Variants in GRIK1 observed in about 807,000 individuals in gnomAD.
GRIK1 encodes the protein glutamate receptor ionotropic, kainate 1.
Under a neutral mutation model 105.7 loss-of-function variants are expected in GRIK1, and 69 were observed. The ratio of observed to expected loss-of-function variants is 0.65; its 90% CI spans 0.54 to 0.80. GRIK1 has a LOEUF of 0.80. Among genes scored for constraint, GRIK1 ranks in the 30% least tolerant of loss-of-function variants. The probability of loss-of-function intolerance (pLI) is 0.00; values close to 1 mark genes in which losing one functional copy is unlikely to be tolerated. For missense variants in GRIK1, 1,109 were observed against 1,167.3 expected, an observed-to-expected ratio of 0.95 and a Z score of 0.73; for synonymous variants, 438 against 431.3, an observed-to-expected ratio of 1.02 and a Z score of -0.19.
chr21:29,709,625 C>T (rs1215868802), intron 1 of GRIK1, among the ~76,000 whole-genome samples: 33 of 151,940 alleles, frequency 2.2e-4, no homozygotes, highest in Non-Finnish European at 5.9e-5. Context: ...TATCTAAGAA[C>T]ATGGGCACAT....
intron 1 of GRIK1, among the ~76,000 whole-genome samples, chr21:29,720,881 G>C (rs1293518804): frequency 6.6e-6 from 1 of 152,074 alleles, no homozygotes; most frequent in Non-Finnish European, 1.5e-5. Flanking sequence ...AGCCTCCTTT[G>C]ATAGATACTC....
rs1983276477 is a variant in GRIK1, at chr21:29,636,008, T to C, written c.1098+6818A>G. On this transcript the variant is annotated intron_variant, in intron 7 of 17. Coordinates refer to ENST00000327783, the MANE Select transcript of GRIK1 (RefSeq NM_001330994.2). ...TCTCCCAGGCCTACCAGGGACACCA[T>C]CTTAAACTGTCTGCTAAGCCCAGAA... is the stretch of plus-strand genomic sequence containing the variant. 1.3e-5 allele frequency among the ~76,000 whole-genome samples: 2 copies of C among 152,114 alleles called. 1 individual carries two copies. The highest frequency in any genetic ancestry group is 4.1e-4 in the South Asian group (2 of 4,830).
chr21:29,746,042 T>C (rs888665606), intron 1 of GRIK1, among the ~76,000 whole-genome samples: 1 of 152,050 alleles, frequency 6.6e-6, no homozygotes, highest in Non-Finnish European at 1.5e-5. Context: ...AGGCAGAGCT[T>C]GCAGTGAGCC....
rs150783822 is a variant in GRIK1, at chr21:29,757,039, C to T, written c.119-62976G>A. On this transcript the variant is annotated intron_variant, in intron 1 of 17. Coordinates refer to ENST00000327783, the MANE Select transcript of GRIK1 (RefSeq NM_001330994.2). Reference sequence around the variant, plus strand: ...GGCTGAGGCAGGAGACTTGCTTGAACCTGGGAGGCAGAGGTTGCAGTGAGC... The same window carrying T: ...GGCTGAGGCAGGAGACTTGCTTGAATCTGGGAGGCAGAGGTTGCAGTGAGC... 9.2e-3 allele frequency among the ~76,000 whole-genome samples: 1,397 copies of T among 152,174 alleles called. 20 individuals carry two copies. Among genetic ancestry groups the T allele is most frequent in the African/African-American group, 0.032 (1,335 of 41,506 alleles).
chr21:29,704,521 T>C (rs973871805), intron 1 of GRIK1, among the ~76,000 whole-genome samples: 5 of 152,320 alleles, frequency 3.3e-5, no homozygotes, highest in African/African-American at 1.2e-4. Context: ...GCCTTCTCCT[T>C]CAGAGCTAAA....
rs1483513147 is a variant in GRIK1, at chr21:29,620,794, T to G, written c.1099-21857A>C. On this transcript the variant is annotated intron_variant, in intron 7 of 17. Coordinates refer to ENST00000327783, the MANE Select transcript of GRIK1 (RefSeq NM_001330994.2). ...TCATATATATATAGATATATATATC[T>G]ATATATATATAGATATATATATATA... Among the ~76,000 whole-genome samples, 88 of 106,312 alleles carry G rather than the reference T, an allele frequency of 8.3e-4. 1 individual carries two copies. The highest frequency in any genetic ancestry group is 4.4e-3 in the African/African-American group (77 of 17,696). 69.7% of individuals were successfully genotyped at this position (106,312 alleles called of 152,430 possible).
chr21:29,549,912 G>A (rs1161781026), intron 16 of GRIK1, among the ~76,000 whole-genome samples: 1 of 151,834 alleles, frequency 6.6e-6, no homozygotes, highest in Non-Finnish European at 1.5e-5. Flanking sequence ...TTTGAGACCA[G>A]CTTGGCCAAC....
At chr21:29,931,646 G>A (rs1445169499) in intron 1 of GRIK1, among the ~76,000 whole-genome samples, 2 of 152,054 alleles carry the variant, frequency 1.3e-5, no homozygotes, top group Non-Finnish European at 2.9e-5. Context: ...ATCATCTTAT[G>A]TATCTCCCTT....
intron 3 of GRIK1, among the ~76,000 whole-genome samples, chr21:29,676,586 G>A (rs1455720752): frequency 6.6e-6 from 1 of 152,122 alleles, no homozygotes; most frequent in East Asian, 1.9e-4. Flanking sequence ...CTCTCGTGTG[G>A]ATGCCAGCCC....
intron 4 of GRIK1, among the ~76,000 whole-genome samples, chr21:29,669,411 A>G (rs538218354): frequency 6.6e-6 from 1 of 152,342 alleles, no homozygotes; most frequent in East Asian, 1.9e-4. Context: ...TTCAGCTACC[A>G]GAAAAGTAAA....
chr21:29,865,676 A>G (rs1452338002), intron 1 of GRIK1, among the ~76,000 whole-genome samples: 1 of 152,266 alleles, frequency 6.6e-6, no homozygotes, highest in Non-Finnish European at 1.5e-5. Context: ...TTCATTAACA[A>G]TAGAAGTTTT....
intron 1 of GRIK1, among the ~76,000 whole-genome samples, chr21:29,728,906 G>A (rs1036122126): frequency 6.6e-6 from 1 of 152,216 alleles, no homozygotes; most frequent in East Asian, 1.9e-4. Flanking sequence ...AAGTAGCATG[G>A]ACAGGGAAGA....
chr21:29,839,135 C>T (rs960342022), intron 1 of GRIK1, among the ~76,000 whole-genome samples: 16 of 152,076 alleles, frequency 1.1e-4, no homozygotes, highest in African/African-American at 3.6e-4. Context: ...CCACAACCTC[C>T]GCCTCCCAGG....
chr21:29,542,689 T>C (rs995294861), intron 16 of GRIK1, among the ~76,000 whole-genome samples: 3 of 152,224 alleles, frequency 2.0e-5, no homozygotes, highest in African/African-American at 7.2e-5. Flanking sequence ...CATTCACATC[T>C]TTCATTCATT....
chr21:29,632,018 G>C (rs1200760543), intron 7 of GRIK1, among the ~76,000 whole-genome samples: 1 of 151,974 alleles, frequency 6.6e-6, no homozygotes, highest in Non-Finnish European at 1.5e-5. Context: ...TATCCATGCA[G>C]AAGGGATTGG....
intron 1 of GRIK1, among the ~76,000 whole-genome samples, chr21:29,729,837 A>G (rs568240918): frequency 8.5e-5 from 13 of 152,326 alleles, no homozygotes; most frequent in African/African-American, 3.1e-4. Context: ...AAACTTAAAA[A>G]GTGATTTTGA....
intron 16 of GRIK1, among the ~76,000 whole-genome samples, chr21:29,544,155 A>C (rs2832391): frequency 0.62 from 94,989 of 152,078 alleles, 30,875 homozygotes; most frequent in Middle Eastern, 0.73. Context: ...TGAGGGTCAC[A>C]GGGTTACTCC....
intron 1 of GRIK1, among the ~76,000 whole-genome samples, chr21:29,782,249 G>T (rs1442894585): frequency 6.6e-6 from 1 of 151,244 alleles, no homozygotes; most frequent in Non-Finnish European, 1.5e-5. Flanking sequence ...ACCAAGCCTG[G>T]CTAATTTTTT....
intron 14 of GRIK1, among the ~76,000 whole-genome samples, chr21:29,568,398 G>GT (rs2146203829): frequency 6.6e-6 from 1 of 152,274 alleles, no homozygotes; most frequent in South Asian, 2.1e-4. Flanking sequence ...GCAGTGCCCA[G>GT]TAACTTCTCT....
Sources: gnomAD v4.1 joint callset for allele counts (sites outside exome capture counted in the v4.1 genomes callset) on GRCh38, gnomAD v4.1.1 for gene constraint, MANE v1.5 for transcripts, NCBI Gene and HGNC (gene_info 2026-07-23, HGNC 2026-07-21) for gene names.